The following FOXK1 variants were observed in gnomAD, a reference collection of about 807,000 sequenced individuals.
The protein encoded by FOXK1 is forkhead box protein K1.
A neutral mutation model predicts 51.9 loss-of-function variants in FOXK1; 19 were observed. The ratio of observed to expected loss-of-function variants is 0.37; its 90% CI spans 0.26 to 0.54. FOXK1 has a LOEUF of 0.54. Ranked by LOEUF, FOXK1 falls within the 20% of genes least tolerant of loss-of-function variation. The probability of loss-of-function intolerance (pLI) is 0.87; values close to 1 mark genes in which losing one functional copy is unlikely to be tolerated. For synonymous variants in FOXK1, 537 were observed against 482.6 expected (o/e 1.11, Z -1.48); for missense variants, 870 against 1,032.7 (o/e 0.84, Z 2.16).
In FOXK1 at chr7:4,753,758, G is replaced by A. The variant is rs1231623405; in HGVS notation, c.747-701G>A. ...GCCAGAGCACACCCCTCAGCCGGACGGACGCAGCCTCCTGCCTGTGGTCCC... is the reference window on the plus strand; with the variant it reads ...GCCAGAGCACACCCCTCAGCCGGACAGACGCAGCCTCCTGCCTGTGGTCCC... On this transcript the variant is annotated intron_variant, in intron 2 of 8. Coordinates refer to ENST00000328914, the MANE Select transcript of FOXK1 (RefSeq NM_001037165.2). The surrounding 1 kb of genome is among the most constrained non-coding windows in gnomAD (Gnocchi z 4.9). Among the ~76,000 whole-genome samples, 5 of 152,214 alleles carry A rather than the reference G, an allele frequency of 3.3e-5. No homozygotes were observed. Among genetic ancestry groups the A allele is most frequent in the Admixed American group, 6.5e-5 (1 of 15,290 alleles).
chr7:4,738,323 G>C (rs1375549768), intron 1 of FOXK1, among the ~76,000 whole-genome samples: 1 of 151,444 alleles, frequency 6.6e-6, no homozygotes, highest in Non-Finnish European at 1.5e-5. Context: ...TGTAATCCCA[G>C]CTACTTGGGA....
Position 4,683,381 on chromosome 7 carries a change from C to A in FOXK1, c.560+513C>A, listed in dbSNP as rs1779778369. On this transcript the variant is annotated intron_variant, in intron 1 of 8. Coordinates refer to ENST00000328914, the MANE Select transcript of FOXK1 (RefSeq NM_001037165.2). The surrounding 1 kb of genome is among the most constrained non-coding windows in gnomAD (Gnocchi z 4.5). ...ATCCCTGGGGTCATCTACGTCCCTA[C>A]CCTGCCTAAACACGCAAGGTTAACC... Among the ~76,000 whole-genome samples the A allele has an allele frequency of 6.6e-6, 1 of 151,980 alleles. No individual in the cohort carries two copies. The highest frequency in any genetic ancestry group is 2.4e-5 in the African/African-American group (1 of 41,370).
chr7:4,701,947 T>G (rs1221297511), intron 1 of FOXK1, among the ~76,000 whole-genome samples: 1 of 152,066 alleles, frequency 6.6e-6, no homozygotes, highest in Non-Finnish European at 1.5e-5. Flanking sequence ...TGGTGGTGCT[T>G]GCCTGTACTC....
chr7:4,745,629 C>G lies in FOXK1; in HGVS notation c.746+4606C>G, dbSNP rs528037023. Among the ~76,000 whole-genome samples the G allele has an allele frequency of 3.3e-5, 5 of 152,278 alleles. No homozygotes were observed. Among genetic ancestry groups the G allele is most frequent in the African/African-American group, 1.2e-4 (5 of 41,560 alleles). On this transcript the variant is annotated intron_variant, in intron 2 of 8. Coordinates refer to ENST00000328914, the MANE Select transcript of FOXK1 (RefSeq NM_001037165.2). The surrounding 1 kb of genome is among the most constrained non-coding windows in gnomAD (Gnocchi z 4.3). Reference sequence around the variant, plus strand: ...AAGAAGGATTTTTACAGGCCAGGCGCCCGGTGGCTCAGGCCTGTAATCCCA... The same window carrying G: ...AAGAAGGATTTTTACAGGCCAGGCGGCCGGTGGCTCAGGCCTGTAATCCCA...
intron 2 of FOXK1, among the ~76,000 whole-genome samples, chr7:4,750,516 C>G (rs1405559779): frequency 6.6e-6 from 1 of 151,700 alleles, no homozygotes; most frequent in African/African-American, 2.4e-5. Flanking sequence ...GATCTCTGCT[C>G]ACTGCAAGCT....
chr7:4,743,524 C>T lies in FOXK1; in HGVS notation c.746+2501C>T, dbSNP rs553530432. On this transcript the variant is annotated intron_variant, in intron 2 of 8. Transcript: ENST00000328914. The surrounding 1 kb of genome is among the most constrained non-coding windows in gnomAD (Gnocchi z 5.3). ...GAGATCACGCGACTGCACTCCAGCCCGGGCGATAGAGCGAGACTCCATTTC... is the reference window on the plus strand; with the variant it reads ...GAGATCACGCGACTGCACTCCAGCCTGGGCGATAGAGCGAGACTCCATTTC... Among the ~76,000 whole-genome samples the T allele has an allele frequency of 1.3e-5, 2 of 152,230 alleles. No individual in the cohort carries two copies. The highest frequency in any genetic ancestry group is 2.1e-4 in the South Asian group (1 of 4,814).
Position 4,743,008 on chromosome 7 carries a change from T to A in FOXK1, c.746+1985T>A, listed in dbSNP as rs1214465031. On this transcript the variant is annotated intron_variant, in intron 2 of 8. Transcript: ENST00000328914. This position sits in a 1 kb window ranked among gnomAD's most constrained non-coding sequence, Gnocchi z 5.3. ...CCGGGCATGGTCACCTGTGTGACTC[T>A]GTGCGGTCACTTCAGCCCCCCACCT... 6.6e-6 allele frequency among the ~76,000 whole-genome samples: 1 copy of A among 152,206 alleles called. No homozygotes were observed. Among genetic ancestry groups the A allele is most frequent in the Non-Finnish European group, 1.5e-5 (1 of 68,038 alleles).
At position 4,709,346 on chromosome 7, in the gene FOXK1, A is replaced by G. The variant is rs1780145482; in HGVS notation, c.560+26478A>G. Reference sequence around the variant, plus strand: ...CCTACTGTGCCTCCTTCCCAGTGTCACGTTGCTGCGTCCACGAGCCTGGCT... The same window carrying G: ...CCTACTGTGCCTCCTTCCCAGTGTCGCGTTGCTGCGTCCACGAGCCTGGCT... On this transcript the variant is annotated intron_variant, in intron 1 of 8. Transcript: ENST00000328914. The surrounding 1 kb of genome is among the most constrained non-coding windows in gnomAD (Gnocchi z 5.6). 6.6e-6 allele frequency among the ~76,000 whole-genome samples: 1 copy of G among 152,122 alleles called. No homozygotes were observed. Among genetic ancestry groups the G allele is most frequent in the African/African-American group, 2.4e-5 (1 of 41,422 alleles).
At chr7:4,693,303 G>C (rs1323621391) in intron 1 of FOXK1, among the ~76,000 whole-genome samples, 1 of 152,152 alleles carries the variant, frequency 6.6e-6, no homozygotes, top group Non-Finnish European at 1.5e-5. Flanking sequence ...TATAGGAACA[G>C]GCTTTTTGTA....
In FOXK1 at chr7:4,730,791, AAG is replaced by A. The variant is rs1328305209; in HGVS notation, c.561-10045_561-10044del. On this transcript the variant is annotated intron_variant, in intron 1 of 8. Coordinates refer to ENST00000328914, the MANE Select transcript of FOXK1 (RefSeq NM_001037165.2). The surrounding 1 kb of genome is among the most constrained non-coding windows in gnomAD (Gnocchi z 4.7). ...ATAAATGCCTTCCATTTTTAATAGA[AAG>A]ACAGTATTTTAGGTTAAAAAATTTA... 6.6e-6 allele frequency among the ~76,000 whole-genome samples: 1 copy of A among 152,156 alleles called. No individual in the cohort carries two copies. The highest frequency in any genetic ancestry group is 1.5e-5 in the Non-Finnish European group (1 of 68,012).
At chr7:4,704,132 A>G (rs1780052929) in intron 1 of FOXK1, among the ~76,000 whole-genome samples, 1 of 152,196 alleles carries the variant, frequency 6.6e-6, no homozygotes, top group African/African-American at 2.4e-5. Context: ...TTTAAAGGTG[A>G]AAGATTTTTT....
At chr7:4,720,146 C>T (rs1780290281) in intron 1 of FOXK1, among the ~76,000 whole-genome samples, 2 of 152,320 alleles carry the variant, frequency 1.3e-5, no homozygotes, top group Admixed American at 1.3e-4. Flanking sequence ...CCCTGGCTGC[C>T]TTGTTTCTGG....
At position 4,749,014 on chromosome 7, in the gene FOXK1, T is replaced by C. The variant is rs1281843358; in HGVS notation, c.747-5445T>C. Among the ~76,000 whole-genome samples the C allele has an allele frequency of 1.3e-5, 2 of 152,226 alleles. No homozygotes were observed. Among genetic ancestry groups the C allele is most frequent in the African/African-American group, 4.8e-5 (2 of 41,460 alleles). On this transcript the variant is annotated intron_variant, in intron 2 of 8. Transcript: ENST00000328914. The surrounding 1 kb of genome is among the most constrained non-coding windows in gnomAD (Gnocchi z 6.0). ...CTGTCCACGCTTCTGGGACTGGCTG[T>C]GCCTGGCGGGCCTCTGAGCTGAGTC...
At chr7:4,746,599 G>C (rs1355806175) in intron 2 of FOXK1, among the ~76,000 whole-genome samples, 2 of 152,182 alleles carry the variant, frequency 1.3e-5, no homozygotes, top group Non-Finnish European at 2.9e-5. Context: ...GAGGCAGGAG[G>C]ATCGCTTGAG....
At chr7:4,714,748 G>A (rs937662792) in intron 1 of FOXK1, among the ~76,000 whole-genome samples, 5 of 152,146 alleles carry the variant, frequency 3.3e-5, no homozygotes, top group East Asian at 3.8e-4. Context: ...AAAGGTATGC[G>A]GTTAAAAATT....
chr7:4,684,279 T>C (rs563191113), intron 1 of FOXK1, among the ~76,000 whole-genome samples: 46 of 152,370 alleles, frequency 3.0e-4, no homozygotes, highest in African/African-American at 1.1e-3. Flanking sequence ...GTCTGTCTAA[T>C]TACTCCCTTT....
chr7:4,727,045 A>G (rs4077986), intron 1 of FOXK1, among the ~76,000 whole-genome samples: 69,579 of 152,032 alleles, frequency 0.46, 16,930 homozygotes, highest in East Asian at 0.82. Context: ...CCTGGGCTCA[A>G]GTGATCCTCC....
intron 1 of FOXK1, among the ~76,000 whole-genome samples, chr7:4,714,540 GT>G (rs1780211314): frequency 6.6e-6 from 1 of 152,230 alleles, no homozygotes; most frequent in Non-Finnish European, 1.5e-5. Context: ...CTCCCAGAGT[GT>G]TGGGATTACG....
rs1387340865 is a variant in FOXK1, at chr7:4,682,476, G to T, written c.168G>T (p.Pro56=). Residue 56 remains proline, a synonymous_variant, in exon 1 of 9, where the codon CCG becomes CCT. Transcript: ENST00000328914. The surrounding 1 kb of genome is among the most constrained non-coding windows in gnomAD (Gnocchi z 7.6). Reference sequence around the variant, plus strand: ...CTCCGCCCGGGCCGCCGCCGCCGCCGCCACCGCCGCTGCCTCCGGGCGCGA... The same window carrying T: ...CTCCGCCCGGGCCGCCGCCGCCGCCTCCACCGCCGCTGCCTCCGGGCGCGA... ...PQPPPGPPPP[P]PPPLPPGAIA... The T allele has an allele frequency of 2.6e-4, 255 of 989,926 alleles. No homozygotes were observed. Among genetic ancestry groups the T allele is most frequent in the Non-Finnish European group, 3.0e-4 (248 of 835,068 alleles). 61.3% of individuals were successfully genotyped at this position (989,926 alleles called of 1,614,324 possible). A position where few individuals can be genotyped will look rare whatever the true frequency, so the allele number is the denominator to read the frequency against.
Sources: gnomAD v4.1 joint callset for allele counts (sites outside exome capture counted in the v4.1 genomes callset) on GRCh38, gnomAD v4.1.1 for gene constraint, Gnocchi (gnomAD v3.1) non-coding constraint, MANE v1.5 for transcripts, NCBI Gene and HGNC (gene_info 2026-07-23, HGNC 2026-07-21) for gene names.